CCDC12: variants seen among roughly 807,000 people sequenced by gnomAD.
CCDC12 encodes coiled-coil domain-containing protein 12.
A neutral mutation model predicts 25.7 loss-of-function variants in CCDC12; 28 were observed. The observed-to-expected ratio is 1.09, with a 90% CI of 0.81 to 1.50. CCDC12 has a LOEUF of 1.50. Ranked by LOEUF, CCDC12 falls within the 40% of genes most tolerant of loss-of-function variation. The probability of loss-of-function intolerance (pLI) is 0.00; values close to 1 mark genes in which losing one functional copy is unlikely to be tolerated. For synonymous variants in CCDC12, 75 were observed against 87.7 expected (o/e 0.86, Z 0.81); for missense variants, 198 against 210.0 (o/e 0.94, Z 0.35).
chr3:46,972,130 A>C (rs575126783), intron 1 of CCDC12, among the ~76,000 whole-genome samples: 1 of 152,296 alleles, frequency 6.6e-6, no homozygotes, highest in South Asian at 2.1e-4. Context: ...AAAATCAAAA[A>C]CAGATAAATT....
In CCDC12 at chr3:46,975,764, C is replaced by T. The variant is rs146197568; in HGVS notation, c.96+873G>A. Among the ~76,000 whole-genome samples the T allele has an allele frequency of 4.7e-3, 707 of 151,034 alleles. 3 individuals carry two copies. Among genetic ancestry groups the T allele is most frequent in the African/African-American group, 0.016 (668 of 41,158 alleles). ...GCCAGGATGGTCTCGATCTCCTAAC[C>T]TCGTGATCCGCCCACCTCGGCCTCC... On this transcript the variant is annotated intron_variant, in intron 1 of 6. Transcript: ENST00000683445.
At chr3:46,951,798 A>AAAAAAAATATATATATAT in intron 1 of CCDC12, among the ~76,000 whole-genome samples, 2 of 8,466 alleles carry the variant, frequency 2.4e-4, no homozygotes, top group Non-Finnish European at 5.6e-4. Flanking sequence ...AAAAAAAAAA[A>AAAAAAAATATATATATAT]ATATATATAT....
chr3:46,922,342 AG>A, intron 5 of CCDC12, 30 bp from the exon 6 acceptor site: 1 of 1,613,442 alleles, frequency 6.2e-7, no homozygotes, highest in Non-Finnish European at 8.5e-7. Context: ...AGAAGCAGGA[AG>A]GTGAAGGCTG....
At chr3:46,962,837 CG>C (rs2034504711) in intron 1 of CCDC12, among the ~76,000 whole-genome samples, 1 of 152,172 alleles carries the variant, frequency 6.6e-6, no homozygotes, top group African/African-American at 2.4e-5. Context: ...ATACACCCTA[CG>C]GCCTAGCAAT....
chr3:46,932,330 G>C (rs4683296), intron 2 of CCDC12, among the ~76,000 whole-genome samples: 48,081 of 152,128 alleles, frequency 0.32, 8,100 homozygotes, highest in East Asian at 0.54. Context: ...CAGGCTATGA[G>C]GGCAAAGGAC....
At chr3:46,966,235 G>A (rs2034636301) in intron 1 of CCDC12, 1 of 152,478 alleles carries the variant, frequency 6.6e-6, no homozygotes, top group Admixed American at 6.5e-5. Context: ...AAAGCGGGCT[G>A]GGCACGGTGG....
chr3:46,975,394 A>G (rs1242183407), intron 1 of CCDC12, among the ~76,000 whole-genome samples: 1 of 152,182 alleles, frequency 6.6e-6, no homozygotes, highest in Admixed American at 6.5e-5. Flanking sequence ...CATGTTGATC[A>G]GGCTGATCTC....
chr3:46,955,123 C>T (rs1290140779), intron 1 of CCDC12, among the ~76,000 whole-genome samples: 1 of 152,174 alleles, frequency 6.6e-6, no homozygotes, highest in Non-Finnish European at 1.5e-5. Context: ...ACTGACTTCA[C>T]AATCACCCAG....
chr3:46,949,210 A>G (rs968144399), intron 1 of CCDC12, among the ~76,000 whole-genome samples: 2 of 152,168 alleles, frequency 1.3e-5, no homozygotes, highest in Admixed American at 1.3e-4. Context: ...TGGCATTAAG[A>G]GGTGTCTACA....
intron 1 of CCDC12, among the ~76,000 whole-genome samples, chr3:46,952,889 G>T (rs2034171099): frequency 6.6e-6 from 1 of 152,326 alleles, no homozygotes; most frequent in South Asian, 2.1e-4. Flanking sequence ...GCTAGAGGTT[G>T]CCAGGACGCA....
At chr3:46,925,621 G>T in intron 2 of CCDC12, 86 bp from the exon 3 acceptor site, 1 of 1,098,934 alleles carries the variant, frequency 9.1e-7, no homozygotes, top group Non-Finnish European at 1.3e-6. Context: ...CATAGCCCGT[G>T]AATTCCTGAA....
chr3:46,976,923 T>TTCCGGACAACTTGCCTAGTGGGTGG (rs1575569939), upstream of CCDC12: 8 of 897,092 alleles, frequency 8.9e-6, no homozygotes, highest in East Asian at 2.5e-4. Context: ...GCCCTTATTC[T>TTCCGGACAACTTGCCTAGTGGGTGG]TCCGGACAAC....
chr3:46,976,930 C>G, upstream of CCDC12: 1 of 543,850 alleles, frequency 1.8e-6, no homozygotes, highest in Non-Finnish European at 2.5e-6. Context: ...TTCTTCCGGA[C>G]AACTTGCCTA....
chr3:46,964,494 T>C (rs539766718), intron 1 of CCDC12, among the ~76,000 whole-genome samples: 22 of 152,206 alleles, frequency 1.4e-4, no homozygotes, highest in African/African-American at 5.1e-4. Flanking sequence ...ACAATGGCGG[T>C]TTTGAGGAAC....
chr3:46,974,678 T>C (rs1034336503), intron 1 of CCDC12, among the ~76,000 whole-genome samples: 3 of 152,234 alleles, frequency 2.0e-5, no homozygotes, highest in African/African-American at 4.8e-5. Flanking sequence ...CAGACTGCCA[T>C]GCAGTAAGGA....
intron 1 of CCDC12, among the ~76,000 whole-genome samples, chr3:46,955,542 G>C (rs1026403122): frequency 2.0e-5 from 3 of 152,110 alleles, no homozygotes; most frequent in Non-Finnish European, 4.4e-5. Context: ...GGTCAGAGAG[G>C]GGAATGTCAG....
chr3:46,930,836 C>A (rs1326325536), intron 2 of CCDC12, among the ~76,000 whole-genome samples: 1 of 152,168 alleles, frequency 6.6e-6, no homozygotes, highest in African/African-American at 2.4e-5. Context: ...TCTCCTGGGC[C>A]CCCTTTGCCC....
rs546385210 is a variant in CCDC12, at chr3:46,929,625, T to G, written c.165-4090A>C. Reference sequence around the variant, plus strand: ...TGGTTCTGCCACCCCCATTTTAGAATGAGGAAGTTGCTAAGGGGAGAAGGT... The same window carrying G: ...TGGTTCTGCCACCCCCATTTTAGAAGGAGGAAGTTGCTAAGGGGAGAAGGT... On this transcript the variant is annotated intron_variant, in intron 2 of 6. Transcript: ENST00000683445. Among the ~76,000 whole-genome samples, 11 of 152,280 alleles carry G rather than the reference T, an allele frequency of 7.2e-5. No individual in the cohort carries two copies. In the East Asian group the frequency reaches 1.9e-3, roughly 27 times the overall value.
intron 2 of CCDC12, among the ~76,000 whole-genome samples, chr3:46,932,319 C>A (rs754050925): frequency 3.9e-5 from 6 of 152,202 alleles, no homozygotes; most frequent in African/African-American, 1.2e-4. Context: ...TAAAGTACCA[C>A]CAGGCTATGA....
Sources: allele counts gnomAD v4.1 joint callset (sites outside exome capture counted in the v4.1 genomes callset), GRCh38; gene constraint gnomAD v4.1.1; transcripts MANE v1.5; gene names NCBI Gene and HGNC (gene_info 2026-07-23, HGNC 2026-07-21).